The following CEP170 variants were observed in gnomAD, a reference collection of about 807,000 sequenced individuals.
CEP170 encodes the protein centrosomal protein of 170 kDa.
CEP170 carries 21 observed loss-of-function variants against 151.9 expected under a neutral mutation model. That is an observed-to-expected ratio of 0.14 (90% CI 0.10 to 0.20). The LOEUF (loss-of-function observed/expected upper bound fraction) is 0.20. Ranked by LOEUF, CEP170 falls within the 10% of genes least tolerant of loss-of-function variation. The pLI is 1.00. For synonymous variants in CEP170, 356 were observed against 648.8 expected (o/e 0.55, Z 6.86); for missense variants, 964 against 1,892.9 (o/e 0.51, Z 9.11).
chr1:243,141,756 G>T (rs1424526733), intron 15 of CEP170, among the ~76,000 whole-genome samples: 1 of 152,140 alleles, frequency 6.6e-6, no homozygotes, highest in African/African-American at 2.4e-5. Flanking sequence ...ATGGTAACTT[G>T]CATTCCAGAC....
At chr1:243,133,095 T>G (rs2054609607) in intron 17 of CEP170, among the ~76,000 whole-genome samples, 1 of 152,258 alleles carries the variant, frequency 6.6e-6, no homozygotes, top group Non-Finnish European at 1.5e-5. Context: ...CTCACCATAC[T>G]CTGGCCCTTT....
At chr1:243,215,977 C>T (rs533932190) in intron 3 of CEP170, among the ~76,000 whole-genome samples, 4 of 151,722 alleles carry the variant, frequency 2.6e-5, no homozygotes, top group East Asian at 1.9e-4. Flanking sequence ...TGTGAAATAA[C>T]GTTGAATTAT....
At chr1:243,162,070 T>C (rs1370107732) in intron 13 of CEP170, among the ~76,000 whole-genome samples, 1 of 152,192 alleles carries the variant, frequency 6.6e-6, no homozygotes, top group Non-Finnish European at 1.5e-5. Flanking sequence ...GATTACAATA[T>C]GGCTTTACAC....
intron 1 of CEP170, among the ~76,000 whole-genome samples, chr1:243,251,738 G>A (rs1213447157): frequency 6.6e-6 from 1 of 152,042 alleles, no homozygotes; most frequent in Non-Finnish European, 1.5e-5. Flanking sequence ...GCATGCTTGG[G>A]ATTCTTTTCC....
intron 7 of CEP170, among the ~76,000 whole-genome samples, chr1:243,196,979 C>T (rs1198488015): frequency 1.3e-5 from 2 of 152,000 alleles, no homozygotes; most frequent in Non-Finnish European, 2.9e-5. Flanking sequence ...GGTAATGGGA[C>T]GTAAGGCTGA....
At chr1:243,151,546 C>A (rs1251172257) in intron 14 of CEP170, among the ~76,000 whole-genome samples, 3 of 152,076 alleles carry the variant, frequency 2.0e-5, no homozygotes, top group Non-Finnish European at 2.9e-5. Flanking sequence ...AGAGCAAAAT[C>A]TGAACTCTCT....
chr1:243,160,728 G>A (rs1266921161), intron 13 of CEP170, among the ~76,000 whole-genome samples: 1 of 152,180 alleles, frequency 6.6e-6, no homozygotes, highest in Non-Finnish European at 1.5e-5. Flanking sequence ...ATCAGCTGGG[G>A]AGAAAAACTG....
At chr1:243,217,225 A>C (rs1269481595) in intron 3 of CEP170, among the ~76,000 whole-genome samples, 1 of 152,214 alleles carries the variant, frequency 6.6e-6, no homozygotes, top group Non-Finnish European at 1.5e-5. Context: ...CTCTAATTAC[A>C]AAACAGAAGA....
At chr1:243,140,169 CA>C in intron 15 of CEP170, 62 bp from the exon 16 acceptor site, 9 of 1,563,032 alleles carry the variant, frequency 5.8e-6, no homozygotes, top group Non-Finnish European at 7.0e-6. Context: ...CCAATATTGG[CA>C]TTACAATTTT....
intron 19 of CEP170, 92 bp from the exon 20 acceptor site, chr1:243,126,830 C>T (rs1434566793): frequency 9.3e-6 from 6 of 645,554 alleles, no homozygotes; most frequent in Non-Finnish European, 1.6e-5. Context: ...ACTATCAGTG[C>T]GTATGTGATC....
intron 14 of CEP170, among the ~76,000 whole-genome samples, chr1:243,154,484 C>T (rs548757830): frequency 6.6e-6 from 1 of 152,360 alleles, no homozygotes; most frequent in African/African-American, 2.4e-5. Flanking sequence ...CCTTCCACCA[C>T]CCTCCTTTTT....
chr1:243,206,277 G>C (rs576018286), intron 4 of CEP170, among the ~76,000 whole-genome samples: 27 of 152,260 alleles, frequency 1.8e-4, no homozygotes, highest in Middle Eastern at 3.4e-3. Context: ...GGGATTACAG[G>C]TGTGTGCCAC....
chr1:243,181,145 T>C (rs1354170765), intron 10 of CEP170, among the ~76,000 whole-genome samples: 1 of 152,230 alleles, frequency 6.6e-6, no homozygotes, highest in African/African-American at 2.4e-5. Flanking sequence ...TGACAAGGTC[T>C]TCCTCTTGCC....
intron 1 of CEP170, among the ~76,000 whole-genome samples, chr1:243,240,567 A>G (rs954342876): frequency 2.0e-5 from 3 of 152,124 alleles, no homozygotes; most frequent in African/African-American, 7.2e-5. Flanking sequence ...GTATTTATCA[A>G]TATGTCTAGG....
intron 11 of CEP170, among the ~76,000 whole-genome samples, chr1:243,170,619 C>A (rs542413120): frequency 2.6e-5 from 4 of 152,242 alleles, no homozygotes; most frequent in South Asian, 2.1e-4. Context: ...CATGGCGAAA[C>A]CTCGTCTCTA....
intron 14 of CEP170, among the ~76,000 whole-genome samples, chr1:243,145,551 G>A (rs2056370613): frequency 6.6e-6 from 1 of 152,254 alleles, no homozygotes; most frequent in Non-Finnish European, 1.5e-5. Flanking sequence ...GGGATTACAG[G>A]CGTGAGCCAC....
chr1:243,228,517 C>T (rs2149041942), intron 1 of CEP170, among the ~76,000 whole-genome samples: 1 of 152,250 alleles, frequency 6.6e-6, no homozygotes, highest in East Asian at 1.9e-4. Flanking sequence ...GAGAAAAAAG[C>T]CCTCCGATCT....
intron 8 of CEP170, among the ~76,000 whole-genome samples, chr1:243,189,406 AT>A (rs1238488329): frequency 1.3e-5 from 2 of 151,938 alleles, no homozygotes; most frequent in Non-Finnish European, 2.9e-5. Context: ...AATAAAAAAA[AT>A]TAGCCGGGTG....
rs537463633 is a variant in CEP170 at position 243,243,826 on chromosome 1, A to G, written c.-42+11214T>C. Among the ~76,000 whole-genome samples, 20 of 152,142 alleles carry G rather than the reference A, an allele frequency of 1.3e-4. No homozygotes were observed. In the South Asian group the frequency reaches 4.2e-3, roughly 32 times the overall value. On this transcript the variant is annotated intron_variant, in intron 1 of 19. Transcript: ENST00000366542. Reference sequence around the variant, plus strand: ...CAGGCAGGAGCCACCACGCCCGTCCATCATTCCTCTTTAAAAGTAGACACC... The same window carrying G: ...CAGGCAGGAGCCACCACGCCCGTCCGTCATTCCTCTTTAAAAGTAGACACC...
Sources: gnomAD v4.1 joint callset for allele counts (sites outside exome capture counted in the v4.1 genomes callset) on GRCh38, gnomAD v4.1.1 for gene constraint, MANE v1.5 for transcripts, NCBI Gene and HGNC (gene_info 2026-07-23, HGNC 2026-07-21) for gene names.